PITPNC1: variants seen among roughly 807,000 people sequenced by gnomAD.
PITPNC1 encodes phosphatidylinositol transfer protein cytoplasmic 1, also known as cytoplasmic phosphatidylinositol transfer protein 1.
In PITPNC1, 18 loss-of-function variants were observed where a neutral mutation model predicts 44.7. The observed-to-expected ratio is 0.40, with a 90% CI of 0.28 to 0.60. The LOEUF is 0.60. Ranked by LOEUF, PITPNC1 falls within the 20% of genes least tolerant of loss-of-function variation. The probability of loss-of-function intolerance (pLI) is 0.39; values close to 1 mark genes in which losing one functional copy is unlikely to be tolerated. For missense variants in PITPNC1, 290 were observed against 418.4 expected (o/e 0.69, Z 2.68); for synonymous variants, 141 against 149.6 (o/e 0.94, Z 0.42).
chr17:67,497,780 G>A lies in PITPNC1; in HGVS notation c.49-35022G>A, dbSNP rs1010393238. Among the ~76,000 whole-genome samples, 8 of 150,680 alleles carry A rather than the reference G, an allele frequency of 5.3e-5. No individual in the cohort carries two copies. The South Asian group carries it at 6.3e-4, about 12-fold the overall frequency. On this transcript the variant is annotated intron_variant, in intron 1 of 8. Transcript: ENST00000581322. ...TGCACTCAAGCAGTCTGCCTGCCTC[G>A]GCCTCCCAAAGTGCTGGGATTACAA...
At chr17:67,570,911 G>A (rs1405700811) in intron 4 of PITPNC1, among the ~76,000 whole-genome samples, 6 of 151,958 alleles carry the variant, frequency 3.9e-5, no homozygotes. Flanking sequence ...TGGGCAATAA[G>A]CAGTGGCCAT....
At chr17:67,625,735 C>T (rs774954923) in intron 5 of PITPNC1, among the ~76,000 whole-genome samples, 1 of 152,090 alleles carries the variant, frequency 6.6e-6, no homozygotes, top group East Asian at 1.9e-4. Context: ...AGCCAAGGAG[C>T]AAGACAGAGG....
At chr17:67,559,310 G>GA (rs148178850) in intron 4 of PITPNC1, among the ~76,000 whole-genome samples, 2,148 of 151,966 alleles carry the variant, frequency 0.014, 46 homozygotes, top group African/African-American at 0.049. Context: ...GGAAATTAAA[G>GA]AAAAAAAATC....
chr17:67,459,107 CTTTTTCTTTTTTTTTTT>C (rs1385151651), intron 1 of PITPNC1, among the ~76,000 whole-genome samples: 2 of 126,840 alleles, frequency 1.6e-5, no homozygotes, highest in African/African-American at 3.1e-5. Context: ...TTTTTTTTTT[CTTTTTCTTTTTTTTTTT>C]TTTTTTTTTT....
In PITPNC1 at chr17:67,532,918, G is replaced by A. The variant is rs773548010; in HGVS notation, c.165G>A (p.Gly55=). ...EPFEDPHHGN[G]QFTEKRVYLN... Reference sequence around the variant, plus strand: ...TTGAGGACCCTCACCATGGCAATGGGCAGTTCACCGAGAAGCGGGTGTATC... The same window carrying A: ...TTGAGGACCCTCACCATGGCAATGGACAGTTCACCGAGAAGCGGGTGTATC... The change falls in exon 2 of 9, where the codon GGG becomes GGA. Residue 55 remains glycine (G), a synonymous_variant. Coordinates refer to ENST00000581322, the MANE Select transcript of PITPNC1 (RefSeq NM_012417.4). 5 of 1,610,984 alleles carry A rather than the reference G, an allele frequency of 3.1e-6. No homozygotes were observed. The highest frequency in any genetic ancestry group is 2.2e-5 in the East Asian group (1 of 44,820).
chr17:67,513,229 C>T lies in PITPNC1; in HGVS notation c.49-19573C>T, dbSNP rs183033487. Among the ~76,000 whole-genome samples, 1,315 of 151,488 alleles carry T rather than the reference C, an allele frequency of 8.7e-3. 9 individuals carry two copies. Among genetic ancestry groups the T allele is most frequent in the Middle Eastern group, 0.041 (12 of 292 alleles). On this transcript the variant is annotated intron_variant, in intron 1 of 8. Coordinates refer to ENST00000581322, the MANE Select transcript of PITPNC1 (RefSeq NM_012417.4). ...AAATACAAAAATTAGCCAGGCATGGCGGCGGGCGACTGTAATCCCAGCTAC... is the reference window on the plus strand; with the variant it reads ...AAATACAAAAATTAGCCAGGCATGGTGGCGGGCGACTGTAATCCCAGCTAC...
intron 2 of PITPNC1, among the ~76,000 whole-genome samples, chr17:67,548,042 G>C (rs112657366): frequency 2.0e-4 from 31 of 152,266 alleles, no homozygotes; most frequent in Non-Finnish European, 3.8e-4. Flanking sequence ...CAGTAGCACT[G>C]CCCACCCCAC....
intron 1 of PITPNC1, among the ~76,000 whole-genome samples, chr17:67,461,814 T>C (rs1199421336): frequency 1.3e-5 from 2 of 152,158 alleles, no homozygotes; most frequent in Admixed American, 6.5e-5. Flanking sequence ...ACCCTGTCTC[T>C]AAACAAAAAC....
At chr17:67,662,471 A>ATTCAACG (rs2042363299) in intron 6 of PITPNC1, among the ~76,000 whole-genome samples, 1 of 152,118 alleles carries the variant, frequency 6.6e-6, no homozygotes, top group African/African-American at 2.4e-5. Context: ...GTGGTGTATA[A>ATTCAACG]TTCAACGTTT....
chr17:67,385,042 A>G (rs1028055143), intron 1 of PITPNC1, among the ~76,000 whole-genome samples: 1 of 152,232 alleles, frequency 6.6e-6, no homozygotes, highest in African/African-American at 2.4e-5. Context: ...GACCAAGGTC[A>G]GGGTCATGCG....
rs145997656 is a variant in PITPNC1 at position 67,663,554 on chromosome 17, C to T, written c.463-5954C>T. Among the ~76,000 whole-genome samples, 467 of 150,218 alleles carry T rather than the reference C, an allele frequency of 3.1e-3. 1 individual carries two copies. The highest frequency in any genetic ancestry group is 0.01 in the African/African-American group (412 of 40,758). On this transcript the variant is annotated intron_variant, in intron 6 of 8. Transcript: ENST00000581322. ...CTACACTCCAGCCTGGGCAACACAG[C>T]GAGACTCCATCTCAAAAAAAAAGGA...
At chr17:67,588,347 G>A (rs546419445) in intron 5 of PITPNC1, among the ~76,000 whole-genome samples, 4 of 152,252 alleles carry the variant, frequency 2.6e-5, no homozygotes, top group African/African-American at 7.2e-5. Context: ...CTGCTTCTCC[G>A]AGGTTTCACT....
intron 1 of PITPNC1, among the ~76,000 whole-genome samples, chr17:67,409,696 G>A (rs1370833750): frequency 4.0e-5 from 6 of 151,728 alleles, no homozygotes; most frequent in Non-Finnish European, 8.8e-5. Context: ...ACGCCACCAC[G>A]CCCAGCTAAT....
intron 6 of PITPNC1, among the ~76,000 whole-genome samples, chr17:67,636,560 G>C (rs1241688670): frequency 1.3e-5 from 2 of 152,146 alleles, no homozygotes; most frequent in South Asian, 4.1e-4. Flanking sequence ...TTCCTCCTCC[G>C]TGGACCTGGC....
rs1208873799 is a variant in PITPNC1 at position 67,495,062 on chromosome 17, T to G, written c.49-37740T>G. ...GTTGTTTTTTTTTTTGTTTTTTTTT[T>G]TTTTTTTTTTTTGAGACGGAGTCTG... On this transcript the variant is annotated intron_variant, in intron 1 of 8. Transcript: ENST00000581322. Among the ~76,000 whole-genome samples, 49 of 98,934 alleles carry G rather than the reference T, an allele frequency of 5.0e-4. No homozygotes were observed. In the East Asian group the frequency reaches 7.4e-3, roughly 15 times the overall value. 64.9% of individuals were successfully genotyped at this position (98,934 alleles called of 152,430 possible).
intron 1 of PITPNC1, among the ~76,000 whole-genome samples, chr17:67,437,111 G>A (rs543742435): frequency 6.6e-6 from 1 of 151,552 alleles, no homozygotes; most frequent in Admixed American, 6.6e-5. Context: ...GTGGAGACAG[G>A]GTTTCGCCAT....
At chr17:67,400,042 G>T (rs9898645) in intron 1 of PITPNC1, among the ~76,000 whole-genome samples, 8,157 of 152,278 alleles carry the variant, frequency 0.054, 260 homozygotes, top group Middle Eastern at 0.14. Context: ...AGGGGTCATG[G>T]TCATTGTCCA....
chr17:67,478,514 G>A (rs997139948), intron 1 of PITPNC1, among the ~76,000 whole-genome samples: 2 of 152,120 alleles, frequency 1.3e-5, no homozygotes, highest in African/African-American at 4.8e-5. Context: ...ACCATTCTGA[G>A]ACAGGCTAGA....
rs545513847 is a variant in PITPNC1, at chr17:67,605,522, T to C, written c.367-26621T>C. Among the ~76,000 whole-genome samples, 4 of 152,318 alleles carry C rather than the reference T, an allele frequency of 2.6e-5. No homozygotes were observed. In the East Asian group the frequency reaches 7.7e-4, roughly 29 times the overall value. ...CTTCATCCTGAAAACCTCCCGACCT[T>C]TCCTTAATGAAGATTTTAGCTGGGG... On this transcript the variant is annotated intron_variant, in intron 5 of 8. Transcript: ENST00000581322.
Sources: allele counts gnomAD v4.1 joint callset (sites outside exome capture counted in the v4.1 genomes callset), GRCh38; gene constraint gnomAD v4.1.1; transcripts MANE v1.5; gene names NCBI Gene and HGNC (gene_info 2026-07-23, HGNC 2026-07-21).